OSBPL9: variants seen among roughly 807,000 people sequenced by gnomAD.
OSBPL9 encodes the protein oxysterol-binding protein-related protein 9.
OSBPL9 carries 40 observed loss-of-function variants against 106.6 expected under a neutral mutation model. That is an observed-to-expected ratio of 0.38 (90% CI 0.29 to 0.49). The LOEUF (loss-of-function observed/expected upper bound fraction) is 0.49. Among genes scored for constraint, OSBPL9 ranks in the 20% least tolerant of loss-of-function variants. The probability of loss-of-function intolerance (pLI) is 0.97; values close to 1 mark genes in which losing one functional copy is unlikely to be tolerated. For synonymous variants in OSBPL9, 269 were observed against 295.4 expected (o/e 0.91, Z 0.92); for missense variants, 609 against 887.2 (o/e 0.69, Z 3.98).
intron 1 of OSBPL9, among the ~76,000 whole-genome samples, chr1:51,630,310 G>A (rs748489369): frequency 3.3e-5 from 5 of 152,020 alleles, no homozygotes; most frequent in African/African-American, 1.2e-4. Context: ...ACAAGACAAG[G>A]TTAGAGGGAC....
the OSBPL9 span, among the ~76,000 whole-genome samples, chr1:51,542,225 T>G: frequency 6.6e-6 from 1 of 152,212 alleles, no homozygotes; most frequent in Non-Finnish European, 1.5e-5. Context: ...AGAGCATTTT[T>G]ATCCATCTGC....
At chr1:51,528,280 GAAAC>G in the OSBPL9 span, among the ~76,000 whole-genome samples, 6 of 152,026 alleles carry the variant, frequency 3.9e-5, no homozygotes, top group East Asian at 1.9e-4. Flanking sequence ...AAATCCTAAA[GAAAC>G]AAACAAAAAT....
chr1:51,692,393 T>C (rs1447034315), intron 3 of OSBPL9, among the ~76,000 whole-genome samples: 1 of 150,048 alleles, frequency 6.7e-6, no homozygotes, highest in Non-Finnish European at 1.5e-5. Flanking sequence ...TCATTTATTA[T>C]CATTATCAAG....
chr1:51,652,160 T>C (rs537303095), intron 2 of OSBPL9, 119 bp downstream of exon 2: 2 of 691,146 alleles, frequency 2.9e-6, no homozygotes, highest in African/African-American at 3.6e-5. Context: ...GGCAGGTATC[T>C]AAGTCTCAGA....
At chr1:51,546,627 G>C in the OSBPL9 span, among the ~76,000 whole-genome samples, 1 of 151,752 alleles carries the variant, frequency 6.6e-6, no homozygotes. Context: ...AACCCGGGAG[G>C]CGGAGCTTGC....
intron 1 of OSBPL9, among the ~76,000 whole-genome samples, chr1:51,634,892 A>ATTCT (rs1443186427): frequency 2.0e-5 from 3 of 152,200 alleles, no homozygotes; most frequent in African/African-American, 7.2e-5. Flanking sequence ...GGGAAGAGGG[A>ATTCT]AACCGCTGAA....
intron 1 of OSBPL9, among the ~76,000 whole-genome samples, chr1:51,632,321 A>T (rs1645158925): frequency 6.6e-6 from 1 of 152,224 alleles, no homozygotes; most frequent in African/African-American, 2.4e-5. Context: ...AGAAATTTTC[A>T]GCTCCATTAT....
In OSBPL9 at chr1:51,729,057, C is replaced by T. The variant is rs1156266538; in HGVS notation, c.318+14978C>T. On this transcript the variant is annotated intron_variant, in intron 4 of 23. Coordinates refer to ENST00000428468, the MANE Select transcript of OSBPL9 (RefSeq NM_024586.6). This position sits in a 1 kb window ranked among gnomAD's most constrained non-coding sequence, Gnocchi z 5.1. ...CCCTGCATTTTGGGTGATTCTCTGT[C>T]GAGGTCCTCTTAAGTCCAGACTTTT... 6.6e-6 allele frequency among the ~76,000 whole-genome samples: 1 copy of T among 152,152 alleles called. No individual in the cohort carries two copies. The highest frequency in any genetic ancestry group is 2.4e-5 in the African/African-American group (1 of 41,432).
chr1:51,669,061 T>TACA (rs1014778450), intron 2 of OSBPL9, among the ~76,000 whole-genome samples: 14 of 152,188 alleles, frequency 9.2e-5, no homozygotes, highest in African/African-American at 3.4e-4. Flanking sequence ...CTTTCAGCCT[T>TACA]ACAACAACCT....
chr1:51,767,091 A>C (rs1025121747), intron 12 of OSBPL9, among the ~76,000 whole-genome samples: 7 of 151,400 alleles, frequency 4.6e-5, no homozygotes, highest in African/African-American at 1.7e-4. Flanking sequence ...AACAAACAAC[A>C]ACAACAAAAA....
At chr1:51,772,819 T>G (rs1674229309) in intron 14 of OSBPL9, 96 bp downstream of exon 14, 1 of 859,900 alleles carries the variant, frequency 1.2e-6, no homozygotes, top group African/African-American at 1.7e-5. Context: ...ATGACATAAT[T>G]TCTTTTTATA....
the OSBPL9 span, among the ~76,000 whole-genome samples, chr1:51,535,918 A>G: frequency 6.6e-6 from 1 of 152,196 alleles, no homozygotes; most frequent in Non-Finnish European, 1.5e-5. Flanking sequence ...AACTTGCAGA[A>G]GAGCTGCAGA....
intron 2 of OSBPL9, among the ~76,000 whole-genome samples, chr1:51,668,725 T>C (rs917266928): frequency 1.3e-5 from 2 of 152,208 alleles, no homozygotes; most frequent in Non-Finnish European, 1.5e-5. Flanking sequence ...TTCCCCATTG[T>C]GTGTGCCTGC....
At chr1:51,519,118 G>C in the OSBPL9 span, 101 of 1,010,068 alleles carry the variant, frequency 1.0e-4, no homozygotes, top group Middle Eastern at 2.4e-4. Flanking sequence ...TGGCCCACAA[G>C]CCAAGAAGTC....
intron 3 of OSBPL9, among the ~76,000 whole-genome samples, chr1:51,713,236 G>A (rs988736567): frequency 6.6e-6 from 1 of 151,914 alleles, no homozygotes; most frequent in African/African-American, 2.4e-5. Context: ...TGCAACCTCC[G>A]CCTCCCGGGT....
At chr1:51,533,499 A>AAAAG in the OSBPL9 span, among the ~76,000 whole-genome samples, 173 of 147,780 alleles carry the variant, frequency 1.2e-3, no homozygotes, top group South Asian at 2.6e-3. Context: ...AAAAAAAAAA[A>AAAAG]AAAGAAAGAA....
Position 51,729,961 on chromosome 1 carries a change from G to T in OSBPL9, c.319-15575G>T, listed in dbSNP as rs201875051. The T allele has an allele frequency of 3.8e-6, 5 of 1,316,294 alleles. No homozygotes were observed. The African/African-American group carries it at 7.5e-5, about 20-fold the overall frequency. 81.5% of individuals were successfully genotyped at this position (1,316,294 alleles called of 1,614,324 possible). ...TACCTCCCCTGGAGGCACAGAGGGC[G>T]GGGGCCTTGGCGAATGGCTTTCTTG... On this transcript the variant is annotated intron_variant, in intron 4 of 23. Transcript: ENST00000428468. This position sits in a 1 kb window ranked among gnomAD's most constrained non-coding sequence, Gnocchi z 5.1.
At chr1:51,723,926 A>C (rs1662613506) in intron 4 of OSBPL9, among the ~76,000 whole-genome samples, 1 of 152,074 alleles carries the variant, frequency 6.6e-6, no homozygotes, top group African/African-American at 2.4e-5. Flanking sequence ...ACAGAATTCT[A>C]GGTTGGTATT....
chr1:51,601,150 T>C (rs1165148457), intron 2 of OSBPL9, among the ~76,000 whole-genome samples: 4 of 152,236 alleles, frequency 2.6e-5, no homozygotes, highest in African/African-American at 9.6e-5. Flanking sequence ...TATTTACATA[T>C]GCAGGGAGTT....
Sources: allele counts gnomAD v4.1 joint callset (sites outside exome capture counted in the v4.1 genomes callset), GRCh38; gene constraint gnomAD v4.1.1; non-coding constraint Gnocchi (gnomAD v3.1); transcripts MANE v1.5; gene names NCBI Gene and HGNC (gene_info 2026-07-23, HGNC 2026-07-21).